The following IL15 variants were observed in gnomAD, a reference collection of about 807,000 sequenced individuals.
IL15 encodes interleukin-15.
Under a neutral mutation model 19.6 loss-of-function variants are expected in IL15, and 11 were observed. The ratio of observed to expected loss-of-function variants is 0.56; its 90% CI spans 0.35 to 0.93. The LOEUF is 0.93. Among genes scored for constraint, IL15 ranks in the 40% least tolerant of loss-of-function variants. The probability of loss-of-function intolerance (pLI) is 0.01; values close to 1 mark genes in which losing one functional copy is unlikely to be tolerated. For synonymous variants in IL15, 58 were observed against 59.6 expected (o/e 0.97, Z 0.12); for missense variants, 197 against 186.5 (o/e 1.06, Z -0.33).
chr4:141,683,713 A>G (rs1728617395), intron 2 of IL15, among the ~76,000 whole-genome samples: 1 of 152,224 alleles, frequency 6.6e-6, no homozygotes, highest in Non-Finnish European at 1.5e-5. Flanking sequence ...TATATTAGGA[A>G]AACATTCTCA....
In IL15 at chr4:141,672,755, G is replaced by A. The variant is rs922179496; in HGVS notation, c.-100+16448G>A. Among the ~76,000 whole-genome samples, 5 of 152,192 alleles carry A rather than the reference G, an allele frequency of 3.3e-5. 1 individual carries two copies. In the South Asian group the frequency reaches 6.2e-4, roughly 19 times the overall value. On this transcript the variant is annotated intron_variant, in intron 2 of 7. Transcript: ENST00000320650. Reference sequence around the variant, plus strand: ...AACATACCAGTTTATAGCCAATGACGTATGTTGATCGTAGACTCTAGCTAT... The same window carrying A: ...AACATACCAGTTTATAGCCAATGACATATGTTGATCGTAGACTCTAGCTAT...
At chr4:141,714,895 C>G (rs931643093) in intron 2 of IL15, 1 of 152,138 alleles carries the variant, frequency 6.6e-6, no homozygotes, top group African/African-American at 2.4e-5. Flanking sequence ...ATATCTATTT[C>G]CAGTTCAGAC....
At chr4:141,640,673 T>C (rs1486839647) in intron 1 of IL15, among the ~76,000 whole-genome samples, 1 of 152,218 alleles carries the variant, frequency 6.6e-6, no homozygotes, top group Non-Finnish European at 1.5e-5. Context: ...TTTGTCCACA[T>C]TTCACATCCA....
chr4:141,690,290 G>A (rs150506834), intron 2 of IL15, among the ~76,000 whole-genome samples: 9 of 152,224 alleles, frequency 5.9e-5, no homozygotes, highest in Admixed American at 3.9e-4. Flanking sequence ...CTTGGCCAGC[G>A]CAGAAAGGGG....
At chr4:141,657,701 C>T (rs1404912778) in intron 2 of IL15, among the ~76,000 whole-genome samples, 1 of 152,124 alleles carries the variant, frequency 6.6e-6, no homozygotes, top group Non-Finnish European at 1.5e-5. Flanking sequence ...TCCTCCACGT[C>T]CTATCTCACT....
At chr4:141,690,807 C>G (rs1016622601) in intron 2 of IL15, among the ~76,000 whole-genome samples, 1 of 152,150 alleles carries the variant, frequency 6.6e-6, no homozygotes, top group Admixed American at 6.5e-5. Context: ...TACCGCCACT[C>G]CCTTTATCCA....
chr4:141,702,427 G>T (rs1200137769), intron 2 of IL15, among the ~76,000 whole-genome samples: 1 of 152,188 alleles, frequency 6.6e-6, no homozygotes, highest in African/African-American at 2.4e-5. Context: ...TCCCAGCAAT[G>T]GATACCAGCA....
chr4:141,726,925 T>A (rs1401298360), intron 5 of IL15, among the ~76,000 whole-genome samples: 1 of 152,108 alleles, frequency 6.6e-6, no homozygotes, highest in African/African-American at 2.4e-5. Context: ...ACCTTCAAAG[T>A]CATATTGTTG....
At chr4:141,731,241 C>T (rs188749951) in intron 7 of IL15, among the ~76,000 whole-genome samples, 1 of 152,210 alleles carries the variant, frequency 6.6e-6, no homozygotes, top group East Asian at 1.9e-4. Context: ...TATCTGAGCA[C>T]TCCCTGTCCC....
chr4:141,698,704 G>A (rs1480149073), intron 2 of IL15, among the ~76,000 whole-genome samples: 1 of 151,922 alleles, frequency 6.6e-6, no homozygotes. Flanking sequence ...ATTTCTAATT[G>A]AGCTTAATTG....
intron 2 of IL15, among the ~76,000 whole-genome samples, chr4:141,667,491 A>T (rs1280563582): frequency 6.6e-6 from 1 of 152,070 alleles, no homozygotes; most frequent in Non-Finnish European, 1.5e-5. Context: ...TTCTGTATTG[A>T]TTGTTGTGGT....
chr4:141,688,638 C>T (rs1728786522), intron 2 of IL15, among the ~76,000 whole-genome samples: 1 of 150,104 alleles, frequency 6.7e-6, no homozygotes, highest in African/African-American at 2.4e-5. Flanking sequence ...GGCTTGATCT[C>T]TTTGGAACTC....
At chr4:141,714,348 C>T (rs1372555850) in intron 2 of IL15, among the ~76,000 whole-genome samples, 1 of 151,994 alleles carries the variant, frequency 6.6e-6, no homozygotes, top group African/African-American at 2.4e-5. Flanking sequence ...CCCACCCCCT[C>T]CAAAATCCTT....
At position 141,693,016 on chromosome 4, in the gene IL15, C is replaced by CAAAAAAAAAAAAAAAAAAAAAAAAAAAA. The variant is rs70949131; in HGVS notation, c.-99-26324_-99-26323insAAAAAAAAAAAAAAAAAAAAAAAAAAAA. 1.2e-3 allele frequency among the ~76,000 whole-genome samples: 28 copies of CAAAAAAAAAAAAAAAAAAAAAAAAAAAA among 23,242 alleles called. 8 individuals are homozygous for CAAAAAAAAAAAAAAAAAAAAAAAAAAAA. The highest frequency in any genetic ancestry group is 1.7e-3 in the African/African-American group (11 of 6,314). The allele number at this position is 23,242 out of a possible 152,430, so 15.2% of individuals were successfully genotyped here. A position where few individuals can be genotyped will look rare whatever the true frequency, so the allele number is the denominator to read the frequency against. Reference sequence around the variant, plus strand: ...AGGGGAACAGAGCAAGACTCCGTCTCAAAAAAAAAAAAAAAAAAAAAAAAA... The same window carrying CAAAAAAAAAAAAAAAAAAAAAAAAAAAA: ...AGGGGAACAGAGCAAGACTCCGTCTCAAAAAAAAAAAAAAAAAAAAAAAAAAAAAAAAAAAAAAAAAAAAAAAAAAAAA... On this transcript the variant is annotated intron_variant, in intron 2 of 7. Coordinates refer to ENST00000320650, the MANE Select transcript of IL15 (RefSeq NM_000585.5).
intron 2 of IL15, among the ~76,000 whole-genome samples, chr4:141,687,131 G>T (rs560870969): frequency 2.0e-5 from 3 of 152,248 alleles, no homozygotes; most frequent in African/African-American, 7.2e-5. Flanking sequence ...TCAGGTTTTG[G>T]GTCTCACTTG....
In IL15 at chr4:141,733,162, T is replaced by C. The variant is rs1730508247; in HGVS notation, c.*314T>C. 1 of 221,110 alleles carries C rather than the reference T, an allele frequency of 4.5e-6. No individual in the cohort carries two copies. The highest frequency in any genetic ancestry group is 2.3e-5 in the African/African-American group (1 of 42,716). The allele number at this position is 221,110 out of a possible 1,614,324, so 13.7% of individuals were successfully genotyped here. A position where few individuals can be genotyped will look rare whatever the true frequency, so the allele number is the denominator to read the frequency against. On this transcript the variant is annotated 3_prime_UTR_variant, in exon 8 of 8. Coordinates refer to ENST00000320650, the MANE Select transcript of IL15 (RefSeq NM_000585.5). ...ACAAGTGTTGTTTTTTAAGTTGCAC[T>C]GATATTTTACCTCTTATTGCAAAAT...
chr4:141,703,275 G>C (rs563211872), intron 2 of IL15, among the ~76,000 whole-genome samples: 3 of 152,172 alleles, frequency 2.0e-5, no homozygotes, highest in Non-Finnish European at 4.4e-5. Context: ...TCGCCACCAA[G>C]TTCTGTTGAT....
chr4:141,693,016 C>CAAAAAAAAAAAAAAAAAA (rs70949131), intron 2 of IL15, among the ~76,000 whole-genome samples: 411 of 23,236 alleles, frequency 0.018, 109 homozygotes, highest in Non-Finnish European at 0.022. Flanking sequence ...GACTCCGTCT[C>CAAAAAAAAAAAAAAAAAA]AAAAAAAAAA....
At chr4:141,680,503 T>A (rs1017019894) in intron 2 of IL15, among the ~76,000 whole-genome samples, 1 of 152,180 alleles carries the variant, frequency 6.6e-6, no homozygotes, top group Non-Finnish European at 1.5e-5. Flanking sequence ...GATGGCTTTA[T>A]GTCTTGGCTA....
Sources: gnomAD v4.1 joint callset for allele counts (sites outside exome capture counted in the v4.1 genomes callset) on GRCh38, gnomAD v4.1.1 for gene constraint, MANE v1.5 for transcripts, NCBI Gene and HGNC (gene_info 2026-07-23, HGNC 2026-07-21) for gene names.